Variants in SUN5 observed in about 807,000 individuals in gnomAD.
The protein encoded by SUN5 is SUN domain-containing protein 5.
Under a neutral mutation model 53.7 loss-of-function variants are expected in SUN5, and 44 were observed. That is an observed-to-expected ratio of 0.82 (90% CI 0.64 to 1.05). SUN5 has a LOEUF of 1.05. Among genes scored for constraint, SUN5 ranks in the 50% least tolerant of loss-of-function variants. SUN5 has a pLI of 0.00. For synonymous variants in SUN5, 166 were observed against 179.8 expected, an observed-to-expected ratio of 0.92 and a Z score of 0.62; for missense variants, 433 against 483.8, an observed-to-expected ratio of 0.90 and a Z score of 0.98.
intron 10 of SUN5, among the ~76,000 whole-genome samples, chr20:32,987,117 C>G (rs1441635808): frequency 6.6e-6 from 1 of 152,220 alleles, no homozygotes. Flanking sequence ...GTGACCAGGA[C>G]AAGCCCTTTC....
At chr20:33,003,765 A>G (rs1467587674) in intron 1 of SUN5, among the ~76,000 whole-genome samples, 1 of 152,172 alleles carries the variant, frequency 6.6e-6, no homozygotes, top group Non-Finnish European at 1.5e-5. Context: ...AGGATGAAAG[A>G]CATACATTCT....
At chr20:33,002,977 G>A in intron 1 of SUN5, 58 bp from the exon 2 acceptor site, 1 of 1,589,626 alleles carries the variant, frequency 6.3e-7, no homozygotes, top group South Asian at 1.1e-5. Context: ...TAGTGTCCTT[G>A]GAATGTGCAT....
At chr20:32,993,922 G>T in intron 8 of SUN5, among the ~76,000 whole-genome samples, 1 of 152,206 alleles carries the variant, frequency 6.6e-6, no homozygotes, top group East Asian at 1.9e-4. Flanking sequence ...TCAATACTGT[G>T]CTTCAGCTGC....
chr20:32,996,184 A>G (rs149874377), intron 7 of SUN5, 140 bp downstream of exon 7: 3 of 765,492 alleles, frequency 3.9e-6, no homozygotes, highest in Non-Finnish European at 6.3e-6. Context: ...AAGGTCAGCC[A>G]TGTAGAAGGC....
rs1989963369 is a variant in SUN5 at position 33,000,132 on chromosome 20, G to C, written c.282C>G (p.Cys94Trp). ...AQQVLFNTCR[C>W]KLLCQKLMEK... Reference sequence around the variant, plus strand: ...CCATGAGCTTCTGGCACAGCAGCTTGCATCTGGAAGGCAGGGAGTGGTGGT... The same window carrying C: ...CCATGAGCTTCTGGCACAGCAGCTTCCATCTGGAAGGCAGGGAGTGGTGGT... The change falls in exon 5 of 13, where the codon TGC becomes TGG. Residue 94 changes from cysteine (C) to tryptophan (W), a missense_variant. Coordinates refer to ENST00000356173, the MANE Select transcript of SUN5 (RefSeq NM_080675.4). 6.2e-7 allele frequency: 1 copy of C among 1,602,388 alleles called. No homozygotes were observed. Among genetic ancestry groups the C allele is most frequent in the African/African-American group, 1.3e-5 (1 of 75,026 alleles).
At chr20:33,004,027 C>A (rs758642809) in intron 1 of SUN5, among the ~76,000 whole-genome samples, 1 of 152,210 alleles carries the variant, frequency 6.6e-6, no homozygotes, top group Non-Finnish European at 1.5e-5. Context: ...TGTTCCCCGT[C>A]CTCTGTGCAT....
chr20:32,998,314 C>T (rs1016068211), intron 5 of SUN5, among the ~76,000 whole-genome samples: 13 of 151,956 alleles, frequency 8.6e-5, no homozygotes, highest in Admixed American at 6.6e-5. Flanking sequence ...ATCCACTGCA[C>T]TCCAGCCTGG....
Position 33,004,374 on chromosome 20 carries a change from G to A in SUN5, c.-34C>T. On this transcript the variant is annotated 5_prime_UTR_variant, in exon 1 of 13. Coordinates refer to ENST00000356173, the MANE Select transcript of SUN5 (RefSeq NM_080675.4). Reference sequence around the variant, plus strand: ...TTCTTTAGGATTGGGGATGGAGATGGGAACTCTGGGAGCTGGTGAGGAGGA... The same window carrying A: ...TTCTTTAGGATTGGGGATGGAGATGAGAACTCTGGGAGCTGGTGAGGAGGA... 6.5e-7 allele frequency: 1 copy of A among 1,529,954 alleles called. No homozygotes were observed. Among genetic ancestry groups the A allele is most frequent in the South Asian group, 1.2e-5 (1 of 80,316 alleles). 94.8% of individuals were successfully genotyped at this position (1,529,954 alleles called of 1,614,324 possible).
chr20:32,985,045 A>C, intron 12 of SUN5, 54 bp downstream of exon 12: 1 of 1,585,912 alleles, frequency 6.3e-7, no homozygotes, highest in Non-Finnish European at 8.7e-7. Flanking sequence ...CTGGGTACAG[A>C]CTGCACACTG....
intron 12 of SUN5, 102 bp downstream of exon 12, chr20:32,984,997 G>A: frequency 1.6e-6 from 2 of 1,238,548 alleles, no homozygotes; most frequent in Non-Finnish European, 1.2e-6. Context: ...TCATGACTGG[G>A]CACCTCCTGG....
chr20:32,998,531 T>A (rs1352421018), intron 5 of SUN5, among the ~76,000 whole-genome samples: 2 of 152,120 alleles, frequency 1.3e-5, no homozygotes, highest in Non-Finnish European at 2.9e-5. Flanking sequence ...GATAAAACCC[T>A]CAACGAACTA....
chr20:32,996,924 G>A (rs1989866732), intron 6 of SUN5, among the ~76,000 whole-genome samples: 1 of 152,174 alleles, frequency 6.6e-6, no homozygotes, highest in Non-Finnish European at 1.5e-5. Context: ...AACATGGATA[G>A]TGGCAACCCT....
chr20:32,999,750 A>G, intron 5 of SUN5: 2 of 586,864 alleles, frequency 3.4e-6, no homozygotes, highest in Non-Finnish European at 2.9e-6. Flanking sequence ...CAGTGGAGGG[A>G]GGAGATTCCT....
chr20:32,995,482 T>A, intron 8 of SUN5, 137 bp downstream of exon 8: 1 of 683,660 alleles, frequency 1.5e-6, no homozygotes, highest in Non-Finnish European at 2.6e-6. Context: ...CTTCTTTCAC[T>A]GTATTCCTGA....
At chr20:33,001,998 A>G (rs747311364) in intron 3 of SUN5, among the ~76,000 whole-genome samples, 2 of 152,208 alleles carry the variant, frequency 1.3e-5, no homozygotes, top group Non-Finnish European at 2.9e-5. Context: ...CCTGGAATGT[A>G]ACAATGCCCA....
intron 8 of SUN5, among the ~76,000 whole-genome samples, chr20:32,994,210 T>C (rs1989780666): frequency 6.6e-6 from 1 of 152,248 alleles, no homozygotes; most frequent in Non-Finnish European, 1.5e-5. Context: ...CTGTCTGAAC[T>C]AGCTTAGTGC....
At chr20:32,984,041 A>G in intron 12 of SUN5, 92 bp from the exon 13 acceptor site, 1 of 1,425,070 alleles carries the variant, frequency 7.0e-7, no homozygotes, top group Non-Finnish European at 9.3e-7. Context: ...TTCCCATTTC[A>G]TAGGTGGGAA....
intron 11 of SUN5, 79 bp downstream of exon 11, chr20:32,985,657 G>C: frequency 2.6e-6 from 4 of 1,540,568 alleles, no homozygotes; most frequent in Non-Finnish European, 3.5e-6. Context: ...TGCAGACACT[G>C]TTTACCCCAG....
At position 32,983,885 on chromosome 20, in the gene SUN5, C is replaced by T; in HGVS notation, c.1049G>A (p.Gly350Asp). 1 of 1,599,778 alleles carries T rather than the reference C, an allele frequency of 6.3e-7. No individual in the cohort carries two copies. Among genetic ancestry groups the T allele is most frequent in the Non-Finnish European group, 8.5e-7 (1 of 1,173,156 alleles). ...TCGCACGCGGTACAGGCAAGTGAAG[C>T]CTGGGTTCCCCCAGTTGCTTGAGAT... ...VKISSNWGNP[G>D]FTCLYRVRVH... The change falls in exon 13 of 13, where the codon GGC becomes GAC. Residue 350 changes from glycine to aspartate, a missense_variant. By Grantham distance (94) the Gly-to-Asp change is moderately conservative. Transcript: ENST00000356173.
Sources: allele counts gnomAD v4.1 joint callset (sites outside exome capture counted in the v4.1 genomes callset), GRCh38; gene constraint gnomAD v4.1.1; transcripts MANE v1.5; gene names NCBI Gene and HGNC (gene_info 2026-07-23, HGNC 2026-07-21).